Variants in MEF2A observed in about 807,000 individuals in gnomAD.
MEF2A encodes the protein myocyte enhancer factor 2A, also known as myocyte-specific enhancer factor 2A.
In MEF2A, 28 loss-of-function variants were observed where a neutral mutation model predicts 55.8. The ratio of observed to expected loss-of-function variants is 0.50; its 90% confidence interval spans 0.37 to 0.69. The LOEUF (loss-of-function observed/expected upper bound fraction) is 0.69. MEF2A is among the 30% of genes least tolerant of loss of function. The pLI, the probability that MEF2A is intolerant of heterozygous loss-of-function variation, is 0.00. For missense variants in MEF2A, 528 were observed against 626.2 expected, an observed-to-expected ratio of 0.84 and a Z score of 1.67; for synonymous variants, 239 against 227.1, an observed-to-expected ratio of 1.05 and a Z score of -0.47.
chr15:99,578,069 G>T (rs1368698797), intron 1 of MEF2A, among the ~76,000 whole-genome samples: 1 of 152,132 alleles, frequency 6.6e-6, no homozygotes, highest in Non-Finnish European at 1.5e-5. Flanking sequence ...TTTTGGGGGA[G>T]ATACTTTGAG....
At chr15:99,586,555 TTA>T (rs1287249790) in intron 1 of MEF2A, among the ~76,000 whole-genome samples, 1 of 152,220 alleles carries the variant, frequency 6.6e-6, no homozygotes, top group Non-Finnish European at 1.5e-5. Flanking sequence ...TAAGACATCT[TTA>T]TATATTCTAC....
intron 4 of MEF2A, among the ~76,000 whole-genome samples, chr15:99,665,306 A>G (rs1295675629): frequency 6.6e-6 from 1 of 152,180 alleles, no homozygotes; most frequent in Non-Finnish European, 1.5e-5. Flanking sequence ...TTTGGTCAGC[A>G]GTAGATAGAA....
intron 2 of MEF2A, among the ~76,000 whole-genome samples, chr15:99,627,947 G>A (rs1016324369): frequency 5.9e-5 from 9 of 152,152 alleles, no homozygotes; most frequent in Non-Finnish European, 1.2e-4. Context: ...TATAAAAGGG[G>A]ATTTTTTTGT....
At chr15:99,629,500 G>A (rs2042588142) in intron 2 of MEF2A, among the ~76,000 whole-genome samples, 1 of 152,072 alleles carries the variant, frequency 6.6e-6, no homozygotes, top group African/African-American at 2.4e-5. Context: ...TAGATAAGGT[G>A]GGCATGTAAA....
At chr15:99,663,343 C>T (rs1238955739) in intron 4 of MEF2A, among the ~76,000 whole-genome samples, 1 of 151,916 alleles carries the variant, frequency 6.6e-6, no homozygotes, top group Non-Finnish European at 1.5e-5. Context: ...CATTTGTGCA[C>T]GTATATATAT....
At chr15:99,666,449 CT>C (rs2049732965) in intron 4 of MEF2A, among the ~76,000 whole-genome samples, 1 of 151,644 alleles carries the variant, frequency 6.6e-6, no homozygotes, top group Non-Finnish European at 1.5e-5. Context: ...GAGTGGGGGG[CT>C]AGTCTAGGGA....
chr15:99,678,510 T>G (rs1218590006), intron 7 of MEF2A: 1 of 361,978 alleles, frequency 2.8e-6, no homozygotes, highest in Non-Finnish European at 3.9e-6. Context: ...TTGCGTTACC[T>G]TTAAACCATA....
At chr15:99,587,632 T>C (rs895093349) in intron 1 of MEF2A, among the ~76,000 whole-genome samples, 2 of 152,180 alleles carry the variant, frequency 1.3e-5, no homozygotes, top group African/African-American at 4.8e-5. Flanking sequence ...CAGTATTTTC[T>C]AGTATTCAGA....
At chr15:99,624,768 A>G (rs138672892) in intron 2 of MEF2A, among the ~76,000 whole-genome samples, 25 of 152,352 alleles carry the variant, frequency 1.6e-4, no homozygotes, top group African/African-American at 5.8e-4. Flanking sequence ...CAGTATTGAT[A>G]TCTTAATAAC....
At chr15:99,578,141 G>A (rs1393565845) in intron 1 of MEF2A, among the ~76,000 whole-genome samples, 1 of 152,122 alleles carries the variant, frequency 6.6e-6, no homozygotes, top group African/African-American at 2.4e-5. Flanking sequence ...TTCATTGCTG[G>A]AACTTATCTG....
At chr15:99,640,960 C>G (rs1331822999) in intron 3 of MEF2A, among the ~76,000 whole-genome samples, 3 of 152,082 alleles carry the variant, frequency 2.0e-5, no homozygotes, top group African/African-American at 7.2e-5. Context: ...GGTTTTTTAT[C>G]TAGTTTGATC....
intron 5 of MEF2A, among the ~76,000 whole-genome samples, chr15:99,673,671 G>A (rs1017534437): frequency 3.9e-5 from 6 of 152,040 alleles, no homozygotes; most frequent in South Asian, 4.1e-4. Context: ...AGGGGATATG[G>A]AATAATTTGG....
intron 4 of MEF2A, among the ~76,000 whole-genome samples, chr15:99,668,342 C>A (rs1279470571): frequency 6.6e-6 from 1 of 152,070 alleles, no homozygotes; most frequent in East Asian, 1.9e-4. Context: ...TTATAGCAGC[C>A]TGTAATGTAT....
intron 8 of MEF2A, among the ~76,000 whole-genome samples, chr15:99,700,388 C>T (rs1030254733): frequency 1.3e-5 from 2 of 151,330 alleles, no homozygotes; most frequent in Non-Finnish European, 3.0e-5. Context: ...AGGATGCCCC[C>T]ATAGTCCCAG....
chr15:99,616,782 T>C (rs1248476160), intron 2 of MEF2A, among the ~76,000 whole-genome samples: 1 of 152,142 alleles, frequency 6.6e-6, no homozygotes, highest in African/African-American at 2.4e-5. Context: ...TAATGTTATA[T>C]TTGGTTTTCT....
intron 1 of MEF2A, among the ~76,000 whole-genome samples, chr15:99,585,422 T>C (rs963962511): frequency 2.0e-5 from 3 of 152,220 alleles, no homozygotes; most frequent in African/African-American, 7.2e-5. Flanking sequence ...TTCCTGTGAA[T>C]TAGTATCTAT....
intron 6 of MEF2A, 54 bp downstream of exon 6, chr15:99,674,666 C>A (rs959184768): frequency 1.2e-5 from 17 of 1,397,260 alleles, no homozygotes; most frequent in Admixed American, 3.5e-5. Flanking sequence ...TGAAAAAATT[C>A]ATTGCTAACA....
At chr15:99,653,148 C>G (rs1194998736) in intron 4 of MEF2A, among the ~76,000 whole-genome samples, 1 of 152,160 alleles carries the variant, frequency 6.6e-6, no homozygotes, top group Admixed American at 6.5e-5. Context: ...AGGTGCTTCC[C>G]GTGTTTCTCA....
chr15:99,651,155 C>A (rs2046788828), intron 4 of MEF2A, among the ~76,000 whole-genome samples: 2 of 152,152 alleles, frequency 1.3e-5, no homozygotes, highest in Admixed American at 1.3e-4. Context: ...CAGTTCGATT[C>A]CACATGGTTA....
Sources: gnomAD v4.1 joint callset for allele counts (sites outside exome capture counted in the v4.1 genomes callset) on GRCh38, gnomAD v4.1.1 for gene constraint, MANE v1.5 for transcripts, NCBI Gene and HGNC (gene_info 2026-07-23, HGNC 2026-07-21) for gene names.